CLMP: variants seen among roughly 807,000 people sequenced by gnomAD.
CLMP encodes the protein CXADR-like membrane protein.
A neutral mutation model predicts 45.2 loss-of-function variants in CLMP; 27 were observed. The observed-to-expected ratio is 0.60, with a 90% CI of 0.44 to 0.82. The LOEUF (loss-of-function observed/expected upper bound fraction) is 0.82, where lower values mean the gene tolerates loss of function less well. Ranked by LOEUF, CLMP falls within the 40% of genes least tolerant of loss-of-function variation. The probability of loss-of-function intolerance (pLI) is 0.00; values close to 1 mark genes in which losing one functional copy is unlikely to be tolerated. For synonymous variants in CLMP, 167 were observed against 171.4 expected (o/e 0.97, Z 0.20); for missense variants, 403 against 448.4 (o/e 0.90, Z 0.91).
chr11:123,150,779 C>T (rs1210402072), intron 1 of CLMP, among the ~76,000 whole-genome samples: 1 of 152,208 alleles, frequency 6.6e-6, no homozygotes, highest in East Asian at 1.9e-4. Flanking sequence ...TGCAGGGGCA[C>T]GATCTCGGCT....
intron 1 of CLMP, among the ~76,000 whole-genome samples, chr11:123,157,808 C>G (rs899123421): frequency 7.3e-5 from 11 of 150,078 alleles, no homozygotes; most frequent in African/African-American, 2.2e-4. Context: ...AGTAACGGAG[C>G]AGAGACCGGG....
intron 5 of CLMP, among the ~76,000 whole-genome samples, chr11:123,077,082 T>G (rs1217148359): frequency 3.7e-5 from 5 of 136,188 alleles, no homozygotes; most frequent in Non-Finnish European, 6.1e-5. Context: ...CACTGCAACC[T>G]CCGCGTCCCG....
rs145306660 is a variant in CLMP at position 123,186,008 on chromosome 11, T to C, written c.28+8905A>G. Among the ~76,000 whole-genome samples, 558 of 152,268 alleles carry C rather than the reference T, an allele frequency of 3.7e-3. 2 individuals are homozygous for C. Among genetic ancestry groups the C allele is most frequent in the Non-Finnish European group, 6.1e-3 (412 of 68,026 alleles). On this transcript the variant is annotated intron_variant, in intron 1 of 6. Transcript: ENST00000448775. ...CAGGCCAGGCCTCTCAGTGGCCTCCTGTCTGTCTGTGTGTCACTGTACCTA... is the reference window on the plus strand; with the variant it reads ...CAGGCCAGGCCTCTCAGTGGCCTCCCGTCTGTCTGTGTGTCACTGTACCTA...
chr11:123,126,672 T>C (rs1361945383), intron 1 of CLMP, among the ~76,000 whole-genome samples: 2 of 151,896 alleles, frequency 1.3e-5, no homozygotes, highest in Non-Finnish European at 2.9e-5. Flanking sequence ...CCGAGGTGGG[T>C]GGATCACAAG....
At chr11:123,104,459 G>T (rs12286213) in intron 1 of CLMP, among the ~76,000 whole-genome samples, 2 of 151,034 alleles carry the variant, frequency 1.3e-5, no homozygotes, top group East Asian at 3.9e-4. Flanking sequence ...ATCTCAGCTC[G>T]CTGTAACCTC....
Position 123,070,192 on chromosome 11 carries a change from C to G in CLMP, c.*3282G>C, listed in dbSNP as rs546111211. ...TCCATCTGCATCGTCTTCCTACAAA[C>G]AGTTTTTCTTCTACTATTCGGTTAT... is the stretch of plus-strand genomic sequence containing the variant. On this transcript the variant is annotated 3_prime_UTR_variant, in exon 7 of 7. Coordinates refer to ENST00000448775, the MANE Select transcript of CLMP (RefSeq NM_024769.5). 5 of 152,316 alleles carry G rather than the reference C, an allele frequency of 3.3e-5. No homozygotes were observed. The East Asian group carries it at 9.6e-4, about 29-fold the overall frequency. 9.4% of individuals were successfully genotyped at this position (152,316 alleles called of 1,614,324 possible).
At chr11:123,091,714 T>G (rs1309044238) in intron 2 of CLMP, among the ~76,000 whole-genome samples, 1 of 152,198 alleles carries the variant, frequency 6.6e-6, no homozygotes, top group Non-Finnish European at 1.5e-5. Flanking sequence ...AATTTGTCTG[T>G]GTAACTGGAG....
chr11:123,084,310 A>G (rs983981586), intron 3 of CLMP, among the ~76,000 whole-genome samples: 15 of 152,154 alleles, frequency 9.9e-5, no homozygotes, highest in Admixed American at 2.6e-4. Context: ...ACTATGGAAA[A>G]TTGCTCTTAT....
chr11:123,082,195 C>T (rs961503187), intron 5 of CLMP, among the ~76,000 whole-genome samples: 15 of 152,168 alleles, frequency 9.9e-5, no homozygotes, highest in Non-Finnish European at 1.6e-4. Context: ...ACTAGCTGCA[C>T]GGTTTTGTTT....
At chr11:123,113,773 G>T (rs1168493113) in intron 1 of CLMP, among the ~76,000 whole-genome samples, 1 of 152,182 alleles carries the variant, frequency 6.6e-6, no homozygotes, top group Non-Finnish European at 1.5e-5. Context: ...AGTAATAATT[G>T]TCAGGATAAG....
intron 1 of CLMP, among the ~76,000 whole-genome samples, chr11:123,135,501 T>G (rs1447195335): frequency 2.6e-5 from 4 of 151,888 alleles, no homozygotes; most frequent in Non-Finnish European, 5.9e-5. Flanking sequence ...GGAATTGGGT[T>G]AAGGTAAGAT....
intron 2 of CLMP, among the ~76,000 whole-genome samples, chr11:123,094,908 T>C (rs542641662): frequency 9.9e-4 from 151 of 152,274 alleles, no homozygotes; most frequent in African/African-American, 3.6e-3. Flanking sequence ...GTAGCTGAGA[T>C]TGCAGACACT....
rs562025387 is a variant in CLMP at position 123,171,972 on chromosome 11, A to G, written c.28+22941T>C. 4.5e-4 allele frequency among the ~76,000 whole-genome samples: 68 copies of G among 152,292 alleles called. No individual in the cohort carries two copies. The South Asian group carries it at 5.8e-3, about 13-fold the overall frequency. On this transcript the variant is annotated intron_variant, in intron 1 of 6. Transcript: ENST00000448775. The stretch of plus-strand genomic sequence containing the variant: ...CTTCCAGGCTGTTTTCTAAGCATTT[A>G]TACATATTCACTGTAGAGATTTTAC...
chr11:123,132,029 T>C (rs992104340), intron 1 of CLMP, among the ~76,000 whole-genome samples: 1 of 152,232 alleles, frequency 6.6e-6, no homozygotes, highest in African/African-American at 2.4e-5. Flanking sequence ...GTATAAAATT[T>C]ATCTTAGCTA....
At chr11:123,172,559 G>A (rs1250477458) in intron 1 of CLMP, among the ~76,000 whole-genome samples, 2 of 152,160 alleles carry the variant, frequency 1.3e-5, no homozygotes, top group African/African-American at 4.8e-5. Context: ...TTGGCTCACT[G>A]CAGCCTCAAC....
At position 123,073,478 on chromosome 11, in the gene CLMP, A is replaced by T; in HGVS notation, c.1118T>A (p.Val373Asp). 1 of 1,608,102 alleles carries T rather than the reference A, an allele frequency of 6.2e-7. No individual in the cohort carries two copies. Among genetic ancestry groups the T allele is most frequent in the Non-Finnish European group, 8.5e-7 (1 of 1,176,680 alleles). Residue 373 changes from valine to aspartate, a missense_variant, in exon 7 of 7, where the codon GTC (valine) becomes GAC (aspartate). Transcript: ENST00000448775. The part of the protein sequence containing the change: ...IPSQSRAFQT[V>D] The stretch of plus-strand genomic sequence containing the variant: ...GGGAGTCAAGTCCATTGTAATTCAG[A>T]CCGTTTGGAAGGCTCTGCTCTGGCT...
At chr11:123,075,161 T>G (rs1049284396) in intron 5 of CLMP, among the ~76,000 whole-genome samples, 1 of 151,310 alleles carries the variant, frequency 6.6e-6, no homozygotes. Context: ...TCTATGTTGG[T>G]CAGGCTGGTC....
intron 1 of CLMP, among the ~76,000 whole-genome samples, chr11:123,193,733 G>A (rs1232448785): frequency 6.6e-6 from 1 of 152,158 alleles, no homozygotes; most frequent in African/African-American, 2.4e-5. Flanking sequence ...CTAGACACCA[G>A]CCTCCTTCAA....
intron 5 of CLMP, among the ~76,000 whole-genome samples, chr11:123,078,310 T>A (rs377335101): frequency 2.0e-5 from 3 of 151,956 alleles, no homozygotes; most frequent in African/African-American, 7.2e-5. Flanking sequence ...GCAACAACAA[T>A]GATGAGTCTC....
Sources: allele counts gnomAD v4.1 joint callset (sites outside exome capture counted in the v4.1 genomes callset), GRCh38; gene constraint gnomAD v4.1.1; transcripts MANE v1.5; gene names NCBI Gene and HGNC (gene_info 2026-07-23, HGNC 2026-07-21).